The following PIGN variants were observed in gnomAD, a reference collection of about 807,000 sequenced individuals.
PIGN encodes the protein phosphatidylinositol glycan anchor biosynthesis class N.
A neutral mutation model predicts 125.4 loss-of-function variants in PIGN; 117 were observed. The ratio of observed to expected loss-of-function variants is 0.93; its 90% CI spans 0.80 to 1.09. The LOEUF (loss-of-function observed/expected upper bound fraction) is 1.09, where lower values mean the gene tolerates loss of function less well. Ranked by LOEUF, PIGN falls within the 50% of genes least tolerant of loss-of-function variation. PIGN has a pLI of 0.00. For synonymous variants in PIGN, 392 were observed against 377.8 expected (o/e 1.04, Z -0.44); for missense variants, 1,075 against 1,094.9 (o/e 0.98, Z 0.26).
At chr18:62,058,209 ATC>A (rs2031866300) in intron 30 of PIGN, among the ~76,000 whole-genome samples, 1 of 152,012 alleles carries the variant, frequency 6.6e-6, no homozygotes, top group Non-Finnish European at 1.5e-5. Context: ...CCTTTTTCCT[ATC>A]TCTCTTCTCT....
At position 62,041,699 on chromosome 18, in the gene PIGN, GTGTGTGT is replaced by G. The variant is rs1237384750; in HGVS notation, c.*4150_*4156del. 1.4e-5 allele frequency: 2 copies of G among 147,758 alleles called. No individual in the cohort carries two copies. The highest frequency in any genetic ancestry group is 5.1e-5 in the African/African-American group (2 of 39,334). 9.2% of individuals were successfully genotyped at this position (147,758 alleles called of 1,614,324 possible). On this transcript the variant is annotated 3_prime_UTR_variant, in exon 31 of 31. Coordinates refer to ENST00000640252, the MANE Select transcript of PIGN (RefSeq NM_176787.5). Reference sequence around the variant, plus strand: ...TGTGTGTGTGTGTGTGTGTGTGTGTGTGTGTGTTTAGTAGAGATGGGGTTTTGCCATC... The same window carrying G: ...TGTGTGTGTGTGTGTGTGTGTGTGTGTTAGTAGAGATGGGGTTTTGCCATC...
chr18:62,178,282 G>A (rs2037596180), intron 1 of PIGN, among the ~76,000 whole-genome samples: 1 of 151,804 alleles, frequency 6.6e-6, no homozygotes, highest in South Asian at 2.1e-4. Context: ...CAGTCTCCTG[G>A]TTGCTGTAAA....
chr18:62,113,161 A>G lies in PIGN; in HGVS notation c.1407T>C (p.Leu469=). The G allele has an allele frequency of 1.4e-5, 23 of 1,611,058 alleles. No individual in the cohort carries two copies. The highest frequency in any genetic ancestry group is 1.9e-5 in the Non-Finnish European group (22 of 1,178,334). Residue 469 remains leucine, a synonymous_variant, in exon 16 of 31, where the codon CTT becomes CTC. Coordinates refer to ENST00000640252, the MANE Select transcript of PIGN (RefSeq NM_176787.5). The part of the protein sequence containing the change: ...SLLIIKSHSN[L]IKGVSKEVKK... The stretch of plus-strand genomic sequence containing the variant: ...TCACTTCTTTACTAACACCTTTTAT[A>G]AGGTTGGAATGAGACTTGATGATCA...
At chr18:62,117,235 A>G (rs2035121887) in intron 14 of PIGN, among the ~76,000 whole-genome samples, 1 of 152,086 alleles carries the variant, frequency 6.6e-6, no homozygotes, top group South Asian at 2.1e-4. Flanking sequence ...TTGAGAGGGG[A>G]TATAAAGTAA....
intron 29 of PIGN, among the ~76,000 whole-genome samples, chr18:62,073,008 AAT>A (rs1374615104): frequency 1.3e-5 from 2 of 152,196 alleles, no homozygotes; most frequent in African/African-American, 4.8e-5. Context: ...AAAACTAGAT[AAT>A]ACTAAAGATG....
At chr18:62,068,582 C>A (rs940248876) in intron 30 of PIGN, among the ~76,000 whole-genome samples, 1 of 152,204 alleles carries the variant, frequency 6.6e-6, no homozygotes, top group Admixed American at 6.5e-5. Context: ...ACCCCTGAAA[C>A]TTCTCCAGCC....
intron 1 of PIGN, among the ~76,000 whole-genome samples, chr18:62,168,511 C>A (rs561463698): frequency 6.6e-6 from 1 of 152,148 alleles, no homozygotes; most frequent in South Asian, 2.1e-4. Flanking sequence ...TGTTTCTGAA[C>A]CATTTGAGGA....
chr18:62,079,474 T>C (rs941717824), intron 28 of PIGN, among the ~76,000 whole-genome samples: 2 of 152,208 alleles, frequency 1.3e-5, no homozygotes, highest in African/African-American at 4.8e-5. Context: ...TTGTGAAATA[T>C]GCTTTAGATT....
chr18:62,186,041 A>AT (rs755658401), intron 1 of PIGN, among the ~76,000 whole-genome samples: 4,111 of 102,192 alleles, frequency 0.04, 396 homozygotes, highest in African/African-American at 0.1. Context: ...AGCGGAATTG[A>AT]TTTTTTTTTT....
intron 25 of PIGN, chr18:62,088,444 A>T (rs2033810295): frequency 5.9e-6 from 1 of 168,258 alleles, no homozygotes; most frequent in African/African-American, 2.4e-5. Flanking sequence ...TGAAGTCGGG[A>T]GTTGAAAGAC....
chr18:62,146,336 C>T (rs2036327606), intron 9 of PIGN, among the ~76,000 whole-genome samples: 2 of 152,150 alleles, frequency 1.3e-5, no homozygotes, highest in South Asian at 4.1e-4. Flanking sequence ...CAGAGCAGCA[C>T]TGCAGACAGA....
At chr18:62,072,598 G>T in intron 30 of PIGN, 75 bp downstream of exon 30, 2 of 1,159,176 alleles carry the variant, frequency 1.7e-6, no homozygotes, top group Middle Eastern at 2.0e-4. Context: ...TTTGCACAGT[G>T]AAGAAATTGC....
chr18:62,090,981 G>A (rs371917438), intron 23 of PIGN, among the ~76,000 whole-genome samples: 9 of 152,144 alleles, frequency 5.9e-5, no homozygotes, highest in African/African-American at 1.7e-4. Context: ...ACACAAACAC[G>A]AAAATTATGT....
intron 1 of PIGN, among the ~76,000 whole-genome samples, chr18:62,168,878 C>T (rs943351887): frequency 4.3e-5 from 5 of 115,606 alleles, no homozygotes; most frequent in Non-Finnish European, 7.0e-5. Context: ...TTTTTTGAGA[C>T]GGTCTCACTT....
At chr18:62,119,099 C>A (rs1418602966) in intron 14 of PIGN, among the ~76,000 whole-genome samples, 1 of 152,042 alleles carries the variant, frequency 6.6e-6, no homozygotes, top group Non-Finnish European at 1.5e-5. Context: ...AGAACAGAGA[C>A]AAACCAGAGA....
At chr18:62,153,270 C>T (rs1221531807) in intron 7 of PIGN, among the ~76,000 whole-genome samples, 2 of 152,186 alleles carry the variant, frequency 1.3e-5, no homozygotes, top group Non-Finnish European at 2.9e-5. Context: ...TGTATTTTTC[C>T]TTCACATCAC....
chr18:62,160,004 T>G (rs896971617), intron 4 of PIGN, among the ~76,000 whole-genome samples: 1 of 152,052 alleles, frequency 6.6e-6, no homozygotes, highest in Non-Finnish European at 1.5e-5. Context: ...TCCCAGCTAC[T>G]CGGGAGGCTG....
intron 11 of PIGN, 139 bp downstream of exon 11, chr18:62,143,167 A>G (rs1462917520): frequency 6.9e-6 from 4 of 578,606 alleles, no homozygotes; most frequent in East Asian, 3.2e-5. Context: ...TATTTGCACT[A>G]AAAGAATTCC....
chr18:62,090,330 TTTAAC>T (rs2033897715), intron 24 of PIGN, 141 bp downstream of exon 24: 4 of 553,144 alleles, frequency 7.2e-6, no homozygotes, highest in Non-Finnish European at 1.2e-5. Context: ...TATTATTAAG[TTTAAC>T]TTAATTATTA....
Sources: gnomAD v4.1 joint callset for allele counts (sites outside exome capture counted in the v4.1 genomes callset) on GRCh38, gnomAD v4.1.1 for gene constraint, MANE v1.5 for transcripts, NCBI Gene and HGNC (gene_info 2026-07-23, HGNC 2026-07-21) for gene names.